The following CPNE5 variants were observed in gnomAD, a reference collection of about 807,000 sequenced individuals.
The protein encoded by CPNE5 is copine-5.
In CPNE5, 42 loss-of-function variants were observed where a neutral mutation model predicts 81.1. The observed-to-expected ratio is 0.52, with a 90% CI of 0.40 to 0.67. The LOEUF is 0.67. CPNE5 is among the 30% of genes least tolerant of loss of function. The probability of loss-of-function intolerance (pLI) is 0.00; values close to 1 mark genes in which losing one functional copy is unlikely to be tolerated. For missense variants in CPNE5, 612 were observed against 815.5 expected (o/e 0.75, Z 3.04); for synonymous variants, 313 against 321.5 (o/e 0.97, Z 0.28).
At chr6:36,797,768 T>C (rs1769724508) in intron 6 of CPNE5, among the ~76,000 whole-genome samples, 1 of 152,198 alleles carries the variant, frequency 6.6e-6, no homozygotes, top group Non-Finnish European at 1.5e-5. Context: ...ATCTTAGGAA[T>C]ATGCTATGTG....
In CPNE5 at chr6:36,746,391, C is replaced by T; in HGVS notation, c.1200+5G>A. ...GTCCTCTCTCCCACCAGCGGGACCA[C>T]CTACCAGTGGGAACTCGTGGGACAC... is the stretch of plus-strand genomic sequence containing the variant. On this transcript the variant is annotated splice_donor_5th_base_variant and intron_variant, in intron 16 of 20. Transcript: ENST00000244751. The surrounding 1 kb of genome is among the most constrained non-coding windows in gnomAD (Gnocchi z 4.5). 1 of 1,608,026 alleles carries T rather than the reference C, an allele frequency of 6.2e-7. No individual in the cohort carries two copies. Among genetic ancestry groups the T allele is most frequent in the South Asian group, 1.1e-5 (1 of 90,700 alleles).
chr6:36,827,225 C>T, intron 1 of CPNE5: 1 of 635,196 alleles, frequency 1.6e-6, no homozygotes, highest in South Asian at 7.0e-5. Context: ...GTCCCTGCGC[C>T]CTACACCCTC....
rs1582693817 is a variant in CPNE5 at position 36,746,792 on chromosome 6, A to G, written c.1019-215T>C. 6.6e-6 allele frequency among the ~76,000 whole-genome samples: 1 copy of G among 151,980 alleles called. No individual in the cohort carries two copies. On this transcript the variant is annotated intron_variant, in intron 15 of 20. Coordinates refer to ENST00000244751, the MANE Select transcript of CPNE5 (RefSeq NM_020939.2). The surrounding 1 kb of genome is among the most constrained non-coding windows in gnomAD (Gnocchi z 4.5). Reference sequence around the variant, plus strand: ...CCCATACCACCACCCTCTTGCTTATAGGATGCAGCAGTCTCCTAACTGATC... The same window carrying G: ...CCCATACCACCACCCTCTTGCTTATGGGATGCAGCAGTCTCCTAACTGATC...
intron 8 of CPNE5, among the ~76,000 whole-genome samples, chr6:36,786,139 A>G (rs1474319592): frequency 6.6e-6 from 1 of 152,186 alleles, no homozygotes; most frequent in Non-Finnish European, 1.5e-5. Flanking sequence ...GTCAGAAAAA[A>G]ATAAGACATC....
chr6:36,779,069 A>T, intron 8 of CPNE5, 112 bp from the exon 9 acceptor site: 1 of 714,248 alleles, frequency 1.4e-6, no homozygotes, highest in Middle Eastern at 3.7e-4. Context: ...GAATGCACCG[A>T]CTAAGTGCCA....
intron 12 of CPNE5, among the ~76,000 whole-genome samples, chr6:36,758,628 G>T (rs756312085): frequency 6.6e-6 from 1 of 152,186 alleles, no homozygotes; most frequent in Admixed American, 6.5e-5. Context: ...AGGACTTGGG[G>T]GTATTGGGAC....
chr6:36,758,339 T>TG (rs11448709), intron 12 of CPNE5, among the ~76,000 whole-genome samples: 84,292 of 151,724 alleles, frequency 0.56, 24,429 homozygotes, highest in Non-Finnish European at 0.66. Flanking sequence ...AGTGCAGTGG[T>TG]GGGGTCATAG....
chr6:36,790,412 G>T (rs546460426), intron 8 of CPNE5, among the ~76,000 whole-genome samples: 2 of 152,234 alleles, frequency 1.3e-5, no homozygotes, highest in Middle Eastern at 6.8e-3. Flanking sequence ...ATGCTAAGAT[G>T]AAGAGTTTTC....
intron 10 of CPNE5, among the ~76,000 whole-genome samples, chr6:36,774,074 C>T (rs113313882): frequency 5.1e-5 from 7 of 137,184 alleles, no homozygotes; most frequent in Admixed American, 1.5e-4. Context: ...AGTGAAATCC[C>T]ATCTCAATTA....
At chr6:36,791,612 C>A (rs1300521136) in intron 8 of CPNE5, among the ~76,000 whole-genome samples, 1 of 152,134 alleles carries the variant, frequency 6.6e-6, no homozygotes, top group Non-Finnish European at 1.5e-5. Flanking sequence ...AGGGTGTCAC[C>A]CTACTCCAGA....
At chr6:36,798,681 G>T (rs1054588488) in intron 4 of CPNE5, among the ~76,000 whole-genome samples, 187 bp from the exon 5 acceptor site, 5 of 152,182 alleles carry the variant, frequency 3.3e-5, no homozygotes, top group African/African-American at 1.2e-4. Context: ...TTCTGTCCTT[G>T]AGCTGGGTGA....
chr6:36,822,049 A>G, intron 3 of CPNE5, 65 bp downstream of exon 3: 1 of 1,432,640 alleles, frequency 7.0e-7, no homozygotes. Context: ...TTGCTCCCGA[A>G]TTAGAGACAG....
At chr6:36,771,383 A>T (rs926300215) in intron 10 of CPNE5, among the ~76,000 whole-genome samples, 1 of 152,208 alleles carries the variant, frequency 6.6e-6, no homozygotes, top group African/African-American at 2.4e-5. Context: ...CAAGTGACTT[A>T]ATCTCTCAGG....
chr6:36,794,580 G>T lies in CPNE5; in HGVS notation c.464+10C>A. 1 of 1,613,712 alleles carries T rather than the reference G, an allele frequency of 6.2e-7. No individual in the cohort carries two copies. On this transcript the variant is annotated intron_variant, in intron 7 of 20. Transcript: ENST00000244751. ...AAGGACTCCAGGGCCAGAGATGTCTGGCAACGTACCCGTTGGACACAGCTG... is the reference window on the plus strand; with the variant it reads ...AAGGACTCCAGGGCCAGAGATGTCTTGCAACGTACCCGTTGGACACAGCTG...
chr6:36,775,893 C>A (rs1329774508), intron 9 of CPNE5, among the ~76,000 whole-genome samples: 1 of 152,106 alleles, frequency 6.6e-6, no homozygotes, highest in African/African-American at 2.4e-5. Context: ...TTCAATAATT[C>A]TTTTTAAATG....
intron 3 of CPNE5, among the ~76,000 whole-genome samples, chr6:36,818,877 G>A (rs1214311872): frequency 5.9e-5 from 9 of 152,214 alleles, no homozygotes; most frequent in African/African-American, 1.9e-4. Context: ...GTGCCCTTCT[G>A]AAGAGCCCTT....
intron 8 of CPNE5, among the ~76,000 whole-genome samples, chr6:36,779,685 C>T (rs563140205): frequency 6.6e-6 from 1 of 152,366 alleles, no homozygotes; most frequent in East Asian, 1.9e-4. Context: ...GCTGAGTCCC[C>T]AGCCCTGCTC....
At position 36,830,692 on chromosome 6, in the gene CPNE5, C is replaced by A. The variant is rs531273099; in HGVS notation, c.96-7594G>T. On this transcript the variant is annotated intron_variant, in intron 1 of 20. Coordinates refer to ENST00000244751, the MANE Select transcript of CPNE5 (RefSeq NM_020939.2). ...CTCAGATGCTTCTGAGCTGGAGTCCCCACATGGCGACATGTGGCCCTGACA... is the reference window on the plus strand; with the variant it reads ...CTCAGATGCTTCTGAGCTGGAGTCCACACATGGCGACATGTGGCCCTGACA... 2.6e-5 allele frequency among the ~76,000 whole-genome samples: 4 copies of A among 152,312 alleles called. No homozygotes were observed. The South Asian group carries it at 8.3e-4, about 32-fold the overall frequency.
chr6:36,744,670 C>G, intron 18 of CPNE5: 1 of 486,434 alleles, frequency 2.1e-6, no homozygotes, highest in Non-Finnish European at 3.7e-6. Flanking sequence ...CCTCCCACTC[C>G]TTTGACCTGG....
Sources: gnomAD v4.1 joint callset for allele counts (sites outside exome capture counted in the v4.1 genomes callset) on GRCh38, gnomAD v4.1.1 for gene constraint, Gnocchi (gnomAD v3.1) non-coding constraint, MANE v1.5 for transcripts, NCBI Gene and HGNC (gene_info 2026-07-23, HGNC 2026-07-21) for gene names.